The following CDK5RAP1 variants were observed in gnomAD, a reference collection of about 807,000 sequenced individuals.
CDK5RAP1 encodes the protein mitochondrial tRNA methylthiotransferase CDK5RAP1.
In CDK5RAP1, 62 loss-of-function variants were observed where a neutral mutation model predicts 64.5. That is an observed-to-expected ratio of 0.96 (90% CI 0.78 to 1.19). The LOEUF (loss-of-function observed/expected upper bound fraction) is 1.19. Among genes scored for constraint, CDK5RAP1 ranks in the 50% most tolerant of loss-of-function variants. The pLI, the probability that CDK5RAP1 is intolerant of heterozygous loss-of-function variation, is 0.00. For synonymous variants in CDK5RAP1, 250 were observed against 261.9 expected, an observed-to-expected ratio of 0.95 and a Z score of 0.44; for missense variants, 657 against 735.0, an observed-to-expected ratio of 0.89 and a Z score of 1.23.
At chr20:33,400,679 G>A (rs1377680916) in intron 1 of CDK5RAP1, among the ~76,000 whole-genome samples, 2 of 152,144 alleles carry the variant, frequency 1.3e-5, no homozygotes, top group Non-Finnish European at 2.9e-5. Flanking sequence ...GCCGGGTGTG[G>A]TGGTATGCGC....
intron 8 of CDK5RAP1, among the ~76,000 whole-genome samples, chr20:33,377,742 C>G (rs973987216): frequency 6.6e-6 from 1 of 152,180 alleles, no homozygotes; most frequent in African/African-American, 2.4e-5. Flanking sequence ...ACCTCTGCCT[C>G]CCGGGTTCAA....
chr20:33,365,829 A>G (rs1983822756), intron 12 of CDK5RAP1, among the ~76,000 whole-genome samples: 1 of 152,156 alleles, frequency 6.6e-6, no homozygotes, highest in African/African-American at 2.4e-5. Context: ...TTCCTGGCAG[A>G]CGGTAAATGC....
At position 33,370,643 on chromosome 20, in the gene CDK5RAP1, C is replaced by T; in HGVS notation, c.1262-14G>A. The T allele has an allele frequency of 6.2e-7, 1 of 1,613,998 alleles. No individual in the cohort carries two copies. On this transcript the variant is annotated splice_polypyrimidine_tract_variant and intron_variant, in intron 10 of 13. Coordinates refer to ENST00000346416, the MANE Select transcript of CDK5RAP1 (RefSeq NM_016408.4). The stretch of plus-strand genomic sequence containing the variant: ...TGAGGCTCACACCTGTGATACACAG[C>T]AAAGGATGACAGGTGACTGCCTGCT...
intron 8 of CDK5RAP1, among the ~76,000 whole-genome samples, chr20:33,378,207 T>C (rs1189635850): frequency 6.6e-6 from 1 of 152,102 alleles, no homozygotes; most frequent in African/African-American, 2.4e-5. Context: ...TAGAGGCCAT[T>C]GTAGGGTGAT....
Position 33,389,595 on chromosome 20 carries a change from C to T in CDK5RAP1, c.545-2062G>A, listed in dbSNP as rs1274427842. On this transcript the variant is annotated intron_variant, in intron 5 of 13. Transcript: ENST00000346416. ...CCGTCCGGGAGGGAGTAGGGGGCAG[C>T]CCCCGCCCGGCCAGCCGCCCCGTCC... Among the ~76,000 whole-genome samples, 3 of 150,604 alleles carry T rather than the reference C, an allele frequency of 2.0e-5. No individual in the cohort carries two copies. In the East Asian group the frequency reaches 6.1e-4, roughly 30 times the overall value.
At chr20:33,399,365 CT>C (rs1430671313) in intron 1 of CDK5RAP1, among the ~76,000 whole-genome samples, 1 of 152,110 alleles carries the variant, frequency 6.6e-6, no homozygotes, top group Non-Finnish European at 1.5e-5. Flanking sequence ...TTTCAGCTTT[CT>C]TCCTCTGGGA....
chr20:33,388,309 T>C (rs1001497000), intron 5 of CDK5RAP1, among the ~76,000 whole-genome samples: 7 of 152,150 alleles, frequency 4.6e-5, no homozygotes, highest in African/African-American at 1.4e-4. Context: ...AATTATGTTA[T>C]TAAAGTTATA....
At chr20:33,392,729 A>G (rs545302178) in intron 4 of CDK5RAP1, among the ~76,000 whole-genome samples, 1 of 152,216 alleles carries the variant, frequency 6.6e-6, no homozygotes, top group African/African-American at 2.4e-5. Context: ...CCTTTAAGCC[A>G]AACTCAAAAA....
At position 33,385,715 on chromosome 20, in the gene CDK5RAP1, G is replaced by C. The variant is rs376546158; in HGVS notation, c.811C>G (p.Arg271Gly). The C allele has an allele frequency of 1.2e-6, 2 of 1,613,914 alleles. No individual in the cohort carries two copies. The highest frequency in any genetic ancestry group is 2.2e-5 in the South Asian group (2 of 91,060). ...MCSYCIVPFT[R>G]GRERSRPIAS... ...ATAGGCCGACTCCTCTCCCTGCCCC[G>C]GGTGAAAGGAACAATGCAGTAGCTA... is the stretch of plus-strand genomic sequence containing the variant. Residue 271 changes from arginine (R) to glycine (G), a missense_variant, in exon 7 of 14, where the codon CGG becomes GGG. By Grantham distance (125) the Arg-to-Gly change is moderately radical. Coordinates refer to ENST00000346416, the MANE Select transcript of CDK5RAP1 (RefSeq NM_016408.4).
intron 11 of CDK5RAP1, among the ~76,000 whole-genome samples, chr20:33,370,072 A>G (rs543376730): frequency 6.6e-6 from 1 of 152,278 alleles, no homozygotes; most frequent in African/African-American, 2.4e-5. Flanking sequence ...GAAGCCTCCA[A>G]GTGAGTTCAC....
At chr20:33,369,845 C>A (rs373135451) in intron 11 of CDK5RAP1, among the ~76,000 whole-genome samples, 1 of 152,220 alleles carries the variant, frequency 6.6e-6, no homozygotes, top group East Asian at 1.9e-4. Context: ...TTTTCTGAGC[C>A]CCCTGGCCAC....
chr20:33,377,077 T>C (rs1986096268), intron 8 of CDK5RAP1, among the ~76,000 whole-genome samples: 1 of 152,166 alleles, frequency 6.6e-6, no homozygotes, highest in African/African-American at 2.4e-5. Context: ...AGCTCCCGCC[T>C]GTGATCCCAG....
chr20:33,374,760 C>T (rs1329201420), intron 8 of CDK5RAP1, among the ~76,000 whole-genome samples: 1 of 151,810 alleles, frequency 6.6e-6, no homozygotes, highest in Non-Finnish European at 1.5e-5. Flanking sequence ...GATGATGTTG[C>T]CCAGGCTGGA....
In CDK5RAP1 at chr20:33,379,651, CTAT is replaced by C; in HGVS notation, c.914_916del (p.Asn305del). 1 of 1,614,096 alleles carries C rather than the reference CTAT, an allele frequency of 6.2e-7. No homozygotes were observed. The highest frequency in any genetic ancestry group is 8.5e-7 in the Non-Finnish European group (1 of 1,179,994). On this transcript the variant is annotated inframe_deletion, in exon 8 of 14. Coordinates refer to ENST00000346416, the MANE Select transcript of CDK5RAP1 (RefSeq NM_016408.4). ...CTGGACCTCCGAATTGTCCCGAAAA[CTAT>C]TAACATTCTGACCAAGAAGTGTCAC...
Position 33,359,248 on chromosome 20 carries a change from A to G in CDK5RAP1, c.1684-125T>C. 3 of 680,480 alleles carry G rather than the reference A, an allele frequency of 4.4e-6. No homozygotes were observed. In the Admixed American group the frequency reaches 7.6e-5, roughly 17 times the overall value. The allele number at this position is 680,480 out of a possible 1,614,324, so 42.2% of individuals were successfully genotyped here. ...TGGAGGCGACCGGCTGGCAGAGACC[A>G]CATGGCTCCTGTGTGCCCCCGATCC... On this transcript the variant is annotated intron_variant, in intron 13 of 13. Coordinates refer to ENST00000346416, the MANE Select transcript of CDK5RAP1 (RefSeq NM_016408.4).
In CDK5RAP1 at chr20:33,359,314, T is replaced by C. The variant is rs143830643; in HGVS notation, c.1684-191A>G. The C allele has an allele frequency of 1.8e-3, 1,025 of 578,754 alleles. 11 individuals are homozygous for C. The East Asian group carries it at 0.027, about 15-fold the overall frequency. 35.9% of individuals were successfully genotyped at this position (578,754 alleles called of 1,614,324 possible). On this transcript the variant is annotated intron_variant, in intron 13 of 13. Transcript: ENST00000346416. ...TCTCATGGAATGGCAATGGATATAA[T>C]TTAAGAAGTCAAAGCAGGTCAGTCC...
At chr20:33,383,155 TG>T in intron 7 of CDK5RAP1, among the ~76,000 whole-genome samples, 1 of 152,072 alleles carries the variant, frequency 6.6e-6, no homozygotes, top group East Asian at 1.9e-4. Flanking sequence ...CACTCCAGCC[TG>T]GGCAAAAAGA....
intron 10 of CDK5RAP1, among the ~76,000 whole-genome samples, chr20:33,371,256 T>C (rs939587062): frequency 1.3e-5 from 2 of 152,180 alleles, no homozygotes; most frequent in African/African-American, 4.8e-5. Flanking sequence ...TTCATGCCAC[T>C]GCATTCCAGC....
At chr20:33,359,167 T>C (rs1452609385) in intron 13 of CDK5RAP1, 44 bp from the exon 14 acceptor site, 2 of 1,389,238 alleles carry the variant, frequency 1.4e-6, no homozygotes, top group Admixed American at 1.7e-5. Flanking sequence ...ACTAGGACTG[T>C]AGCACTGGGA....
Sources: gnomAD v4.1 joint callset for allele counts (sites outside exome capture counted in the v4.1 genomes callset) on GRCh38, gnomAD v4.1.1 for gene constraint, MANE v1.5 for transcripts, NCBI Gene and HGNC (gene_info 2026-07-23, HGNC 2026-07-21) for gene names.